The following ZBTB40 variants were observed in gnomAD, a reference collection of about 807,000 sequenced individuals.
The protein encoded by ZBTB40 is zinc finger and BTB domain containing 40.
In ZBTB40, 60 loss-of-function variants were observed where a neutral mutation model predicts 117.5. That is an observed-to-expected ratio of 0.51 (90% confidence interval 0.41 to 0.63). The LOEUF is 0.63. Among genes scored for constraint, ZBTB40 ranks in the 30% least tolerant of loss-of-function variants. ZBTB40 has a pLI of 0.00. For synonymous variants in ZBTB40, 525 were observed against 577.1 expected (o/e 0.91, Z 1.29); for missense variants, 1,287 against 1,498.5 (o/e 0.86, Z 2.33).
intron 1 of ZBTB40, among the ~76,000 whole-genome samples, chr1:22,478,498 C>T (rs1021379608): frequency 2.0e-5 from 3 of 152,152 alleles, no homozygotes; most frequent in East Asian, 1.9e-4. Flanking sequence ...CTGCCCACCT[C>T]GGCCTCCCAA....
Position 22,513,210 on chromosome 1 carries a change from A to C in ZBTB40, c.2668+80A>C, listed in dbSNP as rs889587658. ...ACCCCATTTGGATTAGGTGTGATAT[A>C]TATCTCAAAAACAAAACAATTTGAT... On this transcript the variant is annotated intron_variant, in intron 12 of 17. Coordinates refer to ENST00000375647, the MANE Select transcript of ZBTB40 (RefSeq NM_014870.4). The surrounding 1 kb of genome is among the most constrained non-coding windows in gnomAD (Gnocchi z 4.9). 3 of 1,490,620 alleles carry C rather than the reference A, an allele frequency of 2.0e-6. No individual in the cohort carries two copies. Among genetic ancestry groups the C allele is most frequent in the Non-Finnish European group, 2.7e-6 (3 of 1,093,692 alleles). The allele number at this position is 1,490,620 out of a possible 1,614,324, so 92.3% of individuals were successfully genotyped here.
intron 1 of ZBTB40, among the ~76,000 whole-genome samples, chr1:22,442,697 A>T (rs572503208): frequency 1.1e-3 from 162 of 152,280 alleles, no homozygotes; most frequent in Middle Eastern, 3.4e-3. Context: ...GCAGCTGCAG[A>T]GTATTCAGGG....
At chr1:22,456,652 C>G (rs1235492203) in intron 1 of ZBTB40, among the ~76,000 whole-genome samples, 1 of 152,236 alleles carries the variant, frequency 6.6e-6, no homozygotes, top group African/African-American at 2.4e-5. Flanking sequence ...TACTGTTTCA[C>G]TGCTCTGTAA....
At chr1:22,441,144 T>A (rs1569741654) in intron 1 of ZBTB40, among the ~76,000 whole-genome samples, 1 of 152,304 alleles carries the variant, frequency 6.6e-6, no homozygotes, top group African/African-American at 2.4e-5. Flanking sequence ...GATTACTGAT[T>A]CAATCGCCTT....
intron 1 of ZBTB40, among the ~76,000 whole-genome samples, chr1:22,486,891 T>C (rs1344342496): frequency 6.6e-6 from 1 of 152,110 alleles, no homozygotes; most frequent in Non-Finnish European, 1.5e-5. Flanking sequence ...CCCGCCACCA[T>C]GCCTGACTAA....
intron 1 of ZBTB40, among the ~76,000 whole-genome samples, chr1:22,436,608 G>C (rs1640674202): frequency 6.6e-6 from 1 of 152,092 alleles, no homozygotes; most frequent in Admixed American, 6.6e-5. Context: ...ATTCACACAG[G>C]TGAATGAATA....
intron 1 of ZBTB40, among the ~76,000 whole-genome samples, chr1:22,459,982 C>A (rs1641092866): frequency 6.6e-6 from 1 of 152,112 alleles, no homozygotes; most frequent in South Asian, 2.1e-4. Context: ...TGTTTAGAAT[C>A]CCTCCAGAAG....
At chr1:22,436,343 C>T (rs7527615) in intron 1 of ZBTB40, among the ~76,000 whole-genome samples, 14,233 of 151,878 alleles carry the variant, frequency 0.094, 748 homozygotes, top group Middle Eastern at 0.24. Context: ...AACCCTGTCT[C>T]TACTAAAAAT....
intron 16 of ZBTB40, among the ~76,000 whole-genome samples, chr1:22,523,790 G>A (rs1049123715): frequency 3.3e-5 from 5 of 152,168 alleles, no homozygotes; most frequent in African/African-American, 4.8e-5. Flanking sequence ...GTTGGTGTGC[G>A]CATTGACGAT....
chr1:22,439,015 C>T (rs892233281), intron 1 of ZBTB40, among the ~76,000 whole-genome samples: 1 of 151,988 alleles, frequency 6.6e-6, no homozygotes, highest in East Asian at 1.9e-4. Context: ...CCACAGGTGC[C>T]CACCACCACG....
chr1:22,519,769 G>A (rs1569885556), intron 13 of ZBTB40: 1 of 443,832 alleles, frequency 2.3e-6, no homozygotes, highest in Non-Finnish European at 4.2e-6. Flanking sequence ...GTGATAAAGT[G>A]TAATTTAACT....
chr1:22,441,393 A>T (rs1291719324), intron 1 of ZBTB40, among the ~76,000 whole-genome samples: 2 of 148,628 alleles, frequency 1.3e-5, no homozygotes, highest in African/African-American at 2.5e-5. Context: ...TTTTCAAAGA[A>T]CCAAGTTTCA....
At chr1:22,458,996 G>C (rs1641068950) in intron 1 of ZBTB40, among the ~76,000 whole-genome samples, 2 of 152,100 alleles carry the variant, frequency 1.3e-5, no homozygotes, top group African/African-American at 4.8e-5. Flanking sequence ...CTCCTGTCTT[G>C]CTAACAAAGT....
At chr1:22,484,820 A>C (rs1226450288) in intron 1 of ZBTB40, among the ~76,000 whole-genome samples, 3 of 152,086 alleles carry the variant, frequency 2.0e-5, no homozygotes, top group Non-Finnish European at 4.4e-5. Flanking sequence ...GTTCCCCTCT[A>C]TTTCTAGTTT....
chr1:22,511,194 T>C lies in ZBTB40; in HGVS notation c.1849T>C (p.Ser617Pro), dbSNP rs375723615. ...ATTCATTTAGATTCTGAGCATTCCC[T>C]CTGAGACAGCCAGCCCTGAAGCTTC... ...ETVKEILSIP[S>P]ETASPEASLR... Residue 617 changes from serine to proline, a missense_variant, in exon 10 of 18, where the codon TCT becomes CCT. This residue lies in a region of ZBTB40 where 870 missense variants were observed against 934.4 expected (regional missense o/e 0.93). Coordinates refer to ENST00000375647, the MANE Select transcript of ZBTB40 (RefSeq NM_014870.4). 121 of 1,612,894 alleles carry C rather than the reference T, an allele frequency of 7.5e-5. 1 individual carries two copies. The South Asian group carries it at 1.2e-3, about 17-fold the overall frequency.
At chr1:22,491,671 T>G in intron 3 of ZBTB40, 138 bp downstream of exon 3, 1 of 888,946 alleles carries the variant, frequency 1.1e-6, no homozygotes, top group Non-Finnish European at 1.7e-6. Flanking sequence ...TGGACATTTA[T>G]TCCCTAAAGG....
intron 1 of ZBTB40, among the ~76,000 whole-genome samples, chr1:22,481,472 C>G (rs941319481): frequency 6.6e-6 from 1 of 151,944 alleles, no homozygotes; most frequent in African/African-American, 2.4e-5. Context: ...TCTTTTTAAC[C>G]TTGCCCAGTT....
chr1:22,464,001 C>T (rs1272460024), intron 1 of ZBTB40, among the ~76,000 whole-genome samples: 1 of 152,228 alleles, frequency 6.6e-6, no homozygotes, highest in Non-Finnish European at 1.5e-5. Context: ...TCTCTATCTC[C>T]TTGACAATCT....
intron 1 of ZBTB40, among the ~76,000 whole-genome samples, chr1:22,434,911 T>C (rs1640650111): frequency 6.6e-6 from 1 of 152,202 alleles, no homozygotes. Flanking sequence ...GAAAAAAACG[T>C]GTTGGTATGT....
Sources: gnomAD v4.1 joint callset for allele counts (sites outside exome capture counted in the v4.1 genomes callset) on GRCh38, gnomAD v4.1.1 for gene constraint, gnomAD v4.1.1 regional missense constraint, Gnocchi (gnomAD v3.1) non-coding constraint, MANE v1.5 for transcripts, NCBI Gene and HGNC (gene_info 2026-07-23, HGNC 2026-07-21) for gene names.